The following MIAT variants were observed in gnomAD, a reference collection of about 807,000 sequenced individuals.
MIAT encodes myocardial infarction associated transcript, also known as MI related novel mRNA.
downstream of MIAT, chr22:26,671,521 C>A: frequency 2.5e-6 from 1 of 398,728 alleles, no homozygotes; most frequent in Non-Finnish European, 4.4e-6. Flanking sequence ...GCCCTACTAA[C>A]CACCCCCCCG....
At chr22:26,668,278 C>T (rs1019199900) in exon 6 of MIAT, 2 of 398,698 alleles carry the variant, frequency 5.0e-6, no homozygotes. Flanking sequence ...TTCTAGCCCG[C>T]TGGGTGACTC....
intron 2 of MIAT, among the ~76,000 whole-genome samples, chr22:26,648,991 A>C (rs1370469090): frequency 6.6e-6 from 1 of 152,112 alleles, no homozygotes; most frequent in Admixed American, 6.6e-5. Context: ...CATGAGGCCC[A>C]AAAACTGGGA....
chr22:26,670,145 C>T (rs1407245781), downstream of MIAT: 7 of 394,944 alleles, frequency 1.8e-5, no homozygotes, highest in Non-Finnish European at 3.1e-5. Context: ...TACCTATTTT[C>T]CTAGTATCAC....
At chr22:26,664,309 G>T (rs568123541) in intron 3 of MIAT, among the ~76,000 whole-genome samples, 3 of 152,114 alleles carry the variant, frequency 2.0e-5, no homozygotes, top group Admixed American at 1.3e-4. Flanking sequence ...GCCCAGCTGA[G>T]GCTCATACTT....
chr22:26,653,170 G>A (rs966835481), intron 2 of MIAT, among the ~76,000 whole-genome samples: 1 of 152,194 alleles, frequency 6.6e-6, no homozygotes, highest in Admixed American at 6.5e-5. Flanking sequence ...CAAAATGAGG[G>A]CAAAGGACCA....
At chr22:26,653,217 A>G (rs1930368775) in intron 2 of MIAT, among the ~76,000 whole-genome samples, 2 of 152,250 alleles carry the variant, frequency 1.3e-5, no homozygotes, top group Admixed American at 1.3e-4. Context: ...GGTCTACCCC[A>G]TGATGCAGAA....
intron 2 of MIAT, among the ~76,000 whole-genome samples, chr22:26,659,840 C>CTTTCTTTTTTTTTTTTTTTTTTTTTT (rs1249099894): frequency 1.1e-5 from 1 of 94,968 alleles, no homozygotes; most frequent in Non-Finnish European, 2.0e-5. Flanking sequence ...TTCTTTCTTT[C>CTTTCTTTTTTTTTTTTTTTTTTTTTT]TTTTTTTTTT....
exon 5 of MIAT, chr22:26,674,675 G>T (rs1931195742): frequency 7.5e-6 from 3 of 398,570 alleles, no homozygotes; most frequent in African/African-American, 4.1e-5. Context: ...TTGAGAACAT[G>T]CCTTGGCTGC....
chr22:26,675,185 C>T, exon 5 of MIAT: 1 of 398,902 alleles, frequency 2.5e-6, no homozygotes, highest in Non-Finnish European at 4.4e-6. Flanking sequence ...AGGGAGGCAT[C>T]TAAGCTGAGC....
chr22:26,651,561 AAAG>A (rs1930337208), intron 2 of MIAT, among the ~76,000 whole-genome samples: 1 of 152,230 alleles, frequency 6.6e-6, no homozygotes, highest in African/African-American at 2.4e-5. Flanking sequence ...AAAGAACGGA[AAAG>A]AAGGATTCAA....
At chr22:26,654,568 G>A (rs750395502) in intron 2 of MIAT, among the ~76,000 whole-genome samples, 18 of 152,244 alleles carry the variant, frequency 1.2e-4, no homozygotes, top group Admixed American at 2.0e-4. Flanking sequence ...GGGGGAAGTC[G>A]TAGACCTGTG....
intron 2 of MIAT, among the ~76,000 whole-genome samples, chr22:26,650,963 T>TCCTTAGCAC (rs1930326486): frequency 1.3e-5 from 2 of 152,044 alleles, no homozygotes; most frequent in African/African-American, 4.8e-5. Context: ...CACCGATACT[T>TCCTTAGCAC]CCTTAGAGGG....
chr22:26,676,170 GT>G (rs1318286345), exon 5 of MIAT: 1 of 394,164 alleles, frequency 2.5e-6, no homozygotes, highest in Non-Finnish European at 4.5e-6. Flanking sequence ...GGTGTAAATG[GT>G]GACATGTTGA....
At chr22:26,670,107 C>G (rs527582268), downstream of MIAT, 321 of 392,162 alleles carry the variant, frequency 8.2e-4, 3 homozygotes, top group South Asian at 0.011. Context: ...ATCTTCTGAA[C>G]CAGAGGCATT....
chr22:26,647,673 C>A (rs1930259722), intron 2 of MIAT, among the ~76,000 whole-genome samples: 1 of 152,102 alleles, frequency 6.6e-6, no homozygotes, highest in Admixed American at 6.5e-5. Context: ...TGCTCTCCAT[C>A]TTGAGACCAG....
chr22:26,659,376 A>T (rs1369838768), intron 2 of MIAT, among the ~76,000 whole-genome samples: 1 of 152,126 alleles, frequency 6.6e-6, no homozygotes, highest in Non-Finnish European at 1.5e-5. Context: ...CGCCTATTTT[A>T]CTATTTAGTG....
Position 26,657,917 on chromosome 22 carries a change from G to A in MIAT, n.647-5399G>A, listed in dbSNP as rs1710709802. On this transcript the variant is annotated intron_variant and non_coding_transcript_variant, in intron 2 of 5. Transcript: ENST00000643270. ...GGAGGATGCTTTAGGAGTCCAGTGCGAATGGGGATCTTGCAATCATGATTA... is the reference window on the plus strand; with the variant it reads ...GGAGGATGCTTTAGGAGTCCAGTGCAAATGGGGATCTTGCAATCATGATTA... Among the ~76,000 whole-genome samples, 5 of 152,304 alleles carry A rather than the reference G, an allele frequency of 3.3e-5. No individual in the cohort carries two copies. In the South Asian group the frequency reaches 1.0e-3, roughly 32 times the overall value.
At chr22:26,659,840 C>CT (rs1189391284) in intron 2 of MIAT, among the ~76,000 whole-genome samples, 35 of 94,956 alleles carry the variant, frequency 3.7e-4, no homozygotes, top group African/African-American at 5.1e-4. Context: ...TTCTTTCTTT[C>CT]TTTTTTTTTT....
chr22:26,665,726 G>T (rs1930822668), exon 4 of MIAT: 1 of 398,664 alleles, frequency 2.5e-6, no homozygotes, highest in Non-Finnish European at 4.4e-6. Flanking sequence ...GGAAATGGGT[G>T]ATGTAGCTCA....
Sources: gnomAD v4.1 joint callset for allele counts (sites outside exome capture counted in the v4.1 genomes callset) on GRCh38, gnomAD v4.1.1 for gene constraint, MANE v1.5 for transcripts, NCBI Gene and HGNC (gene_info 2026-07-23, HGNC 2026-07-21) for gene names.